PDE4B: variants seen among roughly 807,000 people sequenced by gnomAD.
The protein encoded by PDE4B is phosphodiesterase 4B.
PDE4B carries 20 observed loss-of-function variants against 82.2 expected under a neutral mutation model. The ratio of observed to expected loss-of-function variants is 0.24; its 90% CI spans 0.17 to 0.35. PDE4B has a LOEUF of 0.35. Among genes scored for constraint, PDE4B ranks in the 10% least tolerant of loss-of-function variants. The probability of loss-of-function intolerance (pLI) is 1.00; values close to 1 mark genes in which losing one functional copy is unlikely to be tolerated. For missense variants in PDE4B, 655 were observed against 907.2 expected (o/e 0.72, Z 3.57); for synonymous variants, 320 against 318.9 (o/e 1.00, Z -0.04).
chr1:65,824,183 A>G (rs1570977708), intron 1 of PDE4B, among the ~76,000 whole-genome samples: 1 of 152,154 alleles, frequency 6.6e-6, no homozygotes, highest in East Asian at 1.9e-4. Context: ...AAATCAATCA[A>G]TTCCTCAAGG....
chr1:65,866,667 T>A (rs1159403275), intron 1 of PDE4B, among the ~76,000 whole-genome samples: 1 of 152,220 alleles, frequency 6.6e-6, no homozygotes, highest in African/African-American at 2.4e-5. Context: ...TAGATATGAC[T>A]ACCCATTTCC....
intron 1 of PDE4B, among the ~76,000 whole-genome samples, chr1:65,854,794 C>T (rs905038437): frequency 2.6e-5 from 4 of 151,662 alleles, no homozygotes; most frequent in African/African-American, 7.3e-5. Flanking sequence ...TTTCCATTTT[C>T]CCCATCTTTC....
chr1:65,889,437 T>C (rs966269802), intron 1 of PDE4B, among the ~76,000 whole-genome samples: 18 of 152,070 alleles, frequency 1.2e-4, no homozygotes, highest in Admixed American at 2.0e-4. Context: ...GAATGAGTAA[T>C]GGAGAATTTC....
At chr1:66,341,147 C>T (rs1660950945) in intron 8 of PDE4B, among the ~76,000 whole-genome samples, 1 of 152,170 alleles carries the variant, frequency 6.6e-6, no homozygotes. Context: ...CCACTAATGA[C>T]AAGTGAGGAT....
chr1:66,038,552 GA>G (rs1412204998), intron 3 of PDE4B, among the ~76,000 whole-genome samples: 1 of 149,436 alleles, frequency 6.7e-6, no homozygotes, highest in East Asian at 2.1e-4. Flanking sequence ...AGAACATATG[GA>G]GGAAAAAAAG....
chr1:66,247,463 T>C lies in PDE4B; in HGVS notation c.285T>C (p.Phe95=). The C allele has an allele frequency of 6.4e-7, 1 of 1,568,086 alleles. No individual in the cohort carries two copies. Among genetic ancestry groups the C allele is most frequent in the Non-Finnish European group, 8.6e-7 (1 of 1,158,678 alleles). ...IAITTVSQEC[F]DVENGPSPGR... Reference sequence around the variant, plus strand: ...AGTTTCCCACTTTCTCTTTAAGCTTTGATGTGGAAAATGGCCCTTCCCCAG... The same window carrying C: ...AGTTTCCCACTTTCTCTTTAAGCTTCGATGTGGAAAATGGCCCTTCCCCAG... Residue 95 remains phenylalanine (F), a synonymous_variant, in exon 4 of 17, where the codon TTT becomes TTC. Coordinates refer to ENST00000341517, the MANE Select transcript of PDE4B (RefSeq NM_002600.4).
chr1:66,347,186 A>G (rs184443502), intron 8 of PDE4B, among the ~76,000 whole-genome samples: 1 of 152,298 alleles, frequency 6.6e-6, no homozygotes, highest in East Asian at 1.9e-4. Context: ...CCGTGAACCT[A>G]ACAAACCTAT....
chr1:66,272,074 T>G (rs745318951), intron 7 of PDE4B, among the ~76,000 whole-genome samples: 2 of 152,226 alleles, frequency 1.3e-5, no homozygotes. Flanking sequence ...CTGCCTCATC[T>G]GCAGCGCTCC....
chr1:66,118,921 C>T (rs187063238), intron 3 of PDE4B, among the ~76,000 whole-genome samples: 64 of 152,112 alleles, frequency 4.2e-4, no homozygotes, highest in Non-Finnish European at 2.9e-4. Context: ...AATGTTACCG[C>T]TTTGAAGAAG....
chr1:66,327,470 C>T (rs573406569), intron 7 of PDE4B, among the ~76,000 whole-genome samples: 13 of 152,272 alleles, frequency 8.5e-5, no homozygotes, highest in African/African-American at 2.9e-4. Context: ...TTTGGCTTCT[C>T]TGCAATTTTC....
intron 1 of PDE4B, among the ~76,000 whole-genome samples, chr1:65,795,459 C>G (rs1408923075): frequency 3.9e-5 from 6 of 152,230 alleles, no homozygotes; most frequent in Non-Finnish European, 5.9e-5. Flanking sequence ...TTGTAGCCAC[C>G]ATGTGGTAAT....
intron 3 of PDE4B, among the ~76,000 whole-genome samples, chr1:65,942,109 G>GTA (rs2100548719): frequency 6.6e-6 from 1 of 152,180 alleles, no homozygotes; most frequent in Non-Finnish European, 1.5e-5. Context: ...TTAGCAATTA[G>GTA]GTGGTCTAAC....
intron 3 of PDE4B, among the ~76,000 whole-genome samples, chr1:66,027,239 C>G (rs1191821591): frequency 6.6e-6 from 1 of 152,188 alleles, no homozygotes; most frequent in Non-Finnish European, 1.5e-5. Context: ...GCACTTCTTA[C>G]ATGGCAGCAA....
At chr1:65,975,836 T>C (rs965598979) in intron 3 of PDE4B, among the ~76,000 whole-genome samples, 2 of 152,162 alleles carry the variant, frequency 1.3e-5, no homozygotes, top group African/African-American at 4.8e-5. Context: ...GAGTTGAGGA[T>C]TGGAAACCTC....
chr1:66,326,057 T>C (rs1005945909), intron 7 of PDE4B, among the ~76,000 whole-genome samples: 33 of 152,232 alleles, frequency 2.2e-4, no homozygotes, highest in African/African-American at 7.7e-4. Context: ...TCCTGGTCTA[T>C]GTCACATTAA....
chr1:66,265,135 A>G (rs1654941084), intron 6 of PDE4B, among the ~76,000 whole-genome samples: 1 of 152,232 alleles, frequency 6.6e-6, no homozygotes, highest in Non-Finnish European at 1.5e-5. Context: ...TTATAAGGGC[A>G]AACTTTTAAG....
At chr1:66,093,099 G>A (rs1298468026) in intron 3 of PDE4B, among the ~76,000 whole-genome samples, 2 of 151,980 alleles carry the variant, frequency 1.3e-5, no homozygotes, top group Non-Finnish European at 2.9e-5. Context: ...AGTAGGACAG[G>A]GTTTGTGGCA....
At chr1:66,030,022 C>A (rs1209514325) in intron 3 of PDE4B, among the ~76,000 whole-genome samples, 1 of 134,392 alleles carries the variant, frequency 7.4e-6, no homozygotes, top group Non-Finnish European at 1.5e-5. Context: ...TGCTTCAATG[C>A]CTAATCTGTT....
At chr1:66,101,780 G>C (rs1455436588) in intron 3 of PDE4B, among the ~76,000 whole-genome samples, 2 of 152,054 alleles carry the variant, frequency 1.3e-5, no homozygotes, top group East Asian at 3.9e-4. Context: ...CATTCTGTAG[G>C]TTGCCTGTTC....
Sources: allele counts gnomAD v4.1 joint callset (sites outside exome capture counted in the v4.1 genomes callset), GRCh38; gene constraint gnomAD v4.1.1; transcripts MANE v1.5; gene names NCBI Gene and HGNC (gene_info 2026-07-23, HGNC 2026-07-21).